CNIH4: variants seen among roughly 807,000 people sequenced by gnomAD.
CNIH4 encodes the protein protein cornichon homolog 4.
Under a neutral mutation model 21.5 loss-of-function variants are expected in CNIH4, and 9 were observed. The ratio of observed to expected loss-of-function variants is 0.42; its 90% CI spans 0.25 to 0.73. The LOEUF is 0.73. CNIH4 is among the 30% of genes least tolerant of loss of function. CNIH4 has a pLI of 0.27. For synonymous variants in CNIH4, 67 were observed against 59.1 expected, an observed-to-expected ratio of 1.13 and a Z score of -0.61; for missense variants, 159 against 170.0, an observed-to-expected ratio of 0.94 and a Z score of 0.36.
In CNIH4 at chr1:224,376,159, T is replaced by A; in HGVS notation, c.*337T>A. The stretch of plus-strand genomic sequence containing the variant: ...AAAGAACACACTTTAAAGGGCAAAC[T>A]GAAGAGATGAGCGAGCAAAGGTGCC... On this transcript the variant is annotated 3_prime_UTR_variant, in exon 5 of 5. Transcript: ENST00000465271. 1 of 1,038,014 alleles carries A rather than the reference T, an allele frequency of 9.6e-7. No homozygotes were observed. The highest frequency in any genetic ancestry group is 4.4e-5 in the South Asian group (1 of 22,808). 64.3% of individuals were successfully genotyped at this position (1,038,014 alleles called of 1,614,324 possible). A position where few individuals can be genotyped will look rare whatever the true frequency, so the allele number is the denominator to read the frequency against.
chr1:224,370,676 G>GT (rs1195845194), intron 3 of CNIH4, among the ~76,000 whole-genome samples: 1 of 152,142 alleles, frequency 6.6e-6, no homozygotes, highest in Non-Finnish European at 1.5e-5. Flanking sequence ...GATGTGACTG[G>GT]TATGGTAGTT....
intron 4 of CNIH4, among the ~76,000 whole-genome samples, chr1:224,372,219 A>T (rs1672652164): frequency 6.6e-6 from 1 of 152,232 alleles, no homozygotes; most frequent in Non-Finnish European, 1.5e-5. Context: ...TTAATATGAT[A>T]GATTGGCTGT....
chr1:224,356,978 C>T lies in CNIH4; in HGVS notation c.54C>T (p.Phe18=), dbSNP rs775629488. ...FSLLDCCALI[F]LSVYFIITLS... is the part of the protein sequence containing the mutation. ...TCCTCGATTGTTGCGCGCTCATCTT[C>T]CTCTCGGTCTACTTCGTATCCTTGC... is the stretch of plus-strand genomic sequence containing the variant. The change falls in exon 1 of 5, where the codon TTC becomes TTT. Residue 18 remains phenylalanine, a synonymous_variant. Transcript: ENST00000465271. 3.7e-6 allele frequency: 6 copies of T among 1,612,210 alleles called. No individual in the cohort carries two copies. Among genetic ancestry groups the T allele is most frequent in the East Asian group, 4.5e-5 (2 of 44,856 alleles).
At position 224,375,971 on chromosome 1, in the gene CNIH4, A is replaced by C. The variant is rs1672770531; in HGVS notation, c.*149A>C. 1 of 1,315,600 alleles carries C rather than the reference A, an allele frequency of 7.6e-7. No individual in the cohort carries two copies. The highest frequency in any genetic ancestry group is 1.5e-5 in the African/African-American group (1 of 66,718). 81.5% of individuals were successfully genotyped at this position (1,315,600 alleles called of 1,614,324 possible). Reference sequence around the variant, plus strand: ...ACTATTTTTGCTGTATTTTTACCATATAAAGTATTTAAAAAACATGAATTG... The same window carrying C: ...ACTATTTTTGCTGTATTTTTACCATCTAAAGTATTTAAAAAACATGAATTG... On this transcript the variant is annotated 3_prime_UTR_variant, in exon 5 of 5. Coordinates refer to ENST00000465271, the MANE Select transcript of CNIH4 (RefSeq NM_014184.4).
At chr1:224,373,767 G>C (rs1672702715) in intron 4 of CNIH4, among the ~76,000 whole-genome samples, 1 of 151,944 alleles carries the variant, frequency 6.6e-6, no homozygotes, top group African/African-American at 2.4e-5. Context: ...GGTGGAGGTT[G>C]CGGTGAGCCG....
chr1:224,366,008 T>G lies in CNIH4; in HGVS notation c.251+17T>G. 6.8e-7 allele frequency: 1 copy of G among 1,466,792 alleles called. No individual in the cohort carries two copies. The highest frequency in any genetic ancestry group is 9.6e-7 in the Non-Finnish European group (1 of 1,045,686). The allele number at this position is 1,466,792 out of a possible 1,614,324, so 90.9% of individuals were successfully genotyped here. A position where few individuals can be genotyped will look rare whatever the true frequency, so the allele number is the denominator to read the frequency against. On this transcript the variant is annotated intron_variant, in intron 3 of 4. Coordinates refer to ENST00000465271, the MANE Select transcript of CNIH4 (RefSeq NM_014184.4). ...TATATATCGGTGAGTATAGTTTGTT[T>G]ACTTTGGTGTCAAGGTAGTTAAAAA...
At chr1:224,357,950 G>A (rs1023351690) in intron 1 of CNIH4, among the ~76,000 whole-genome samples, 5 of 152,182 alleles carry the variant, frequency 3.3e-5, no homozygotes, top group Admixed American at 3.3e-4. Flanking sequence ...AAACGTATGA[G>A]GAACTCCGCA....
chr1:224,371,138 A>G (rs1672612254), intron 3 of CNIH4, 145 bp from the exon 4 acceptor site: 4 of 769,408 alleles, frequency 5.2e-6, no homozygotes, highest in African/African-American at 3.6e-5. Flanking sequence ...TGGCCTGCCA[A>G]AGTGCTGGGA....
chr1:224,364,276 G>T, intron 2 of CNIH4: 1 of 985,354 alleles, frequency 1.0e-6, no homozygotes, highest in African/African-American at 1.7e-5. Flanking sequence ...GTCTGTGTCT[G>T]TGTAATACAA....
At chr1:224,367,681 C>G (rs73121865) in intron 3 of CNIH4, among the ~76,000 whole-genome samples, 13,415 of 152,156 alleles carry the variant, frequency 0.088, 1,832 homozygotes, top group African/African-American at 0.29. Flanking sequence ...ACTGCAGGTG[C>G]ACACCACCGC....
At chr1:224,360,019 C>A (rs1672231515) in intron 1 of CNIH4, among the ~76,000 whole-genome samples, 1 of 152,128 alleles carries the variant, frequency 6.6e-6, no homozygotes, top group Admixed American at 6.6e-5. Flanking sequence ...ACCTATAGTT[C>A]CAGCTACTTG....
intron 3 of CNIH4, among the ~76,000 whole-genome samples, chr1:224,366,964 G>GA (rs10707628): frequency 2.7e-3 from 238 of 88,352 alleles, no homozygotes; most frequent in Non-Finnish European, 3.4e-3. Flanking sequence ...TCCGTCTCAA[G>GA]AAAAAAAAAA....
rs150269611 is a variant in CNIH4 at position 224,371,680 on chromosome 1, C to T, written c.392+257C>T. Reference sequence around the variant, plus strand: ...GCTTAAAACAGGGCACGGTGACTTACGCCTGTAATCCCAGCACTTTGGGAG... The same window carrying T: ...GCTTAAAACAGGGCACGGTGACTTATGCCTGTAATCCCAGCACTTTGGGAG... On this transcript the variant is annotated intron_variant, in intron 4 of 4. Transcript: ENST00000465271. Among the ~76,000 whole-genome samples the T allele has an allele frequency of 6.7e-3, 1,026 of 152,260 alleles. 9 individuals carry two copies. The highest frequency in any genetic ancestry group is 0.023 in the African/African-American group (955 of 41,554).
chr1:224,359,311 A>C (rs765625647), intron 1 of CNIH4, among the ~76,000 whole-genome samples: 12 of 152,244 alleles, frequency 7.9e-5, no homozygotes, highest in Non-Finnish European at 1.3e-4. Context: ...AAAGATTGGA[A>C]GATAAACCAA....
Position 224,376,439 on chromosome 1 carries a change from A to G in CNIH4, c.*617A>G. On this transcript the variant is annotated 3_prime_UTR_variant, in exon 5 of 5. Transcript: ENST00000465271. ...GTACAATGTAGTTCCTGCTGATAGA[A>G]AGGAAATATTTTGTCAAGAGCTTTC... 1 of 983,676 alleles carries G rather than the reference A, an allele frequency of 1.0e-6. No homozygotes were observed. Among genetic ancestry groups the G allele is most frequent in the Non-Finnish European group, 1.2e-6 (1 of 829,888 alleles). The allele number at this position is 983,676 out of a possible 1,614,324, so 60.9% of individuals were successfully genotyped here.
chr1:224,379,337 T>C lies in CNIH4; in HGVS notation c.*3515T>C. 1.9e-6 allele frequency: 1 copy of C among 538,416 alleles called. No homozygotes were observed. The highest frequency in any genetic ancestry group is 3.2e-5 in the East Asian group (1 of 31,570). The allele number at this position is 538,416 out of a possible 1,614,324, so 33.4% of individuals were successfully genotyped here. On this transcript the variant is annotated 3_prime_UTR_variant, in exon 5 of 5. Transcript: ENST00000465271. ...TGCAATTAATCACTCTTAGATTGTA[T>C]GTTCCTGGAGGGCAGAATATGCCCA...
At chr1:224,372,780 G>C (rs1278725082) in intron 4 of CNIH4, among the ~76,000 whole-genome samples, 1 of 150,664 alleles carries the variant, frequency 6.6e-6, no homozygotes, top group East Asian at 1.9e-4. Flanking sequence ...TTTTAGTAGA[G>C]ATGGGGTTTC....
At chr1:224,364,874 A>G (rs1242728194) in intron 2 of CNIH4, among the ~76,000 whole-genome samples, 4 of 152,056 alleles carry the variant, frequency 2.6e-5, no homozygotes, top group African/African-American at 9.7e-5. Flanking sequence ...CGGAGGTTTC[A>G]GTGAGCCAAG....
intron 4 of CNIH4, among the ~76,000 whole-genome samples, chr1:224,371,946 T>C (rs955621236): frequency 6.6e-6 from 1 of 152,094 alleles, no homozygotes; most frequent in East Asian, 1.9e-4. Flanking sequence ...CTGTTTCATA[T>C]TTTTTTCCTT....
Sources: gnomAD v4.1 joint callset for allele counts (sites outside exome capture counted in the v4.1 genomes callset) on GRCh38, gnomAD v4.1.1 for gene constraint, MANE v1.5 for transcripts, NCBI Gene and HGNC (gene_info 2026-07-23, HGNC 2026-07-21) for gene names.